The following ZFYVE1 variants were observed in gnomAD, a reference collection of about 807,000 sequenced individuals.
ZFYVE1 encodes the protein zinc finger FYVE domain-containing protein 1.
Under a neutral mutation model 74.4 loss-of-function variants are expected in ZFYVE1, and 30 were observed. The observed-to-expected ratio is 0.40, with a 90% CI of 0.30 to 0.55. ZFYVE1 has a LOEUF of 0.55. ZFYVE1 is among the 20% of genes least tolerant of loss of function. ZFYVE1 has a pLI of 0.42. For missense variants in ZFYVE1, 703 were observed against 1,011.6 expected (o/e 0.69, Z 4.14); for synonymous variants, 335 against 385.1 (o/e 0.87, Z 1.52).
At chr14:73,009,142 T>C (rs1295338308) in intron 2 of ZFYVE1, among the ~76,000 whole-genome samples, 2 of 152,182 alleles carry the variant, frequency 1.3e-5, no homozygotes, top group African/African-American at 4.8e-5. Context: ...AGACGCTATA[T>C]CCTCTGGGGG....
rs780616959 is a variant in ZFYVE1, at chr14:72,993,343, C to T, written c.1003G>A (p.Val335Met). 1.2e-6 allele frequency: 2 copies of T among 1,612,410 alleles called. No homozygotes were observed. The highest frequency in any genetic ancestry group is 1.7e-5 in the Admixed American group (1 of 59,714). The change falls in exon 4 of 12, where the codon GTG becomes ATG. Residue 335 changes from valine (V) to methionine (M), a missense_variant. By Grantham distance (21) the Val-to-Met change is conservative (BLOSUM62 1). Around this residue, in one of 2 missense-constraint regions of ZFYVE1, gnomAD observed 492 missense variants for 790.0 expected, o/e 0.62. Coordinates refer to ENST00000556143, the MANE Select transcript of ZFYVE1 (RefSeq NM_021260.4). ...QLLGSDHPSE[V>M]PEKLIQDRFR... ...CGGTCCTGGATGAGCTTCTCTGGCA[C>T]CTCTGAGGGATGATCTATACAAGCA...
Position 72,974,191 on chromosome 14 carries a change from C to T in ZFYVE1, c.1990G>A (p.Val664Ile). 6.2e-7 allele frequency: 1 copy of T among 1,613,896 alleles called. No individual in the cohort carries two copies. Residue 664 changes from valine to isoleucine, a missense_variant and splice_region_variant, in exon 11 of 12, where the codon GTT becomes ATT. By Grantham distance (29) the Val-to-Ile change is conservative. Transcript: ENST00000556143. The part of the protein sequence containing the change: ...CYEARNVQLA[V>I]TEAQVDDEGG... The stretch of plus-strand genomic sequence containing the variant: ...TCATCGTCCACTTGTGCCTCGGTAA[C>T]AGCTGTAGACAGTAATAAAGGAAAT...
At chr14:72,982,335 T>C (rs969239766) in intron 4 of ZFYVE1, among the ~76,000 whole-genome samples, 40 of 151,888 alleles carry the variant, frequency 2.6e-4, no homozygotes, top group Admixed American at 2.5e-3. Context: ...CCACAGGCAC[T>C]TACTTGGAGT....
intron 2 of ZFYVE1, among the ~76,000 whole-genome samples, chr14:73,013,334 G>A (rs948901708): frequency 6.6e-6 from 1 of 152,176 alleles, no homozygotes; most frequent in Non-Finnish European, 1.5e-5. Context: ...TGGGCCAGGT[G>A]CAGTGGCTCA....
At chr14:73,004,080 A>G (rs1893929384) in intron 2 of ZFYVE1, among the ~76,000 whole-genome samples, 2 of 152,254 alleles carry the variant, frequency 1.3e-5, no homozygotes, top group African/African-American at 4.8e-5. Flanking sequence ...GATCTAGCAG[A>G]CAACGGAGAG....
chr14:72,970,502 C>A lies in ZFYVE1; in HGVS notation c.*380G>T. ...CTCGGCTCATGAGGAAGACGTGCTGCCACTGCCACCTCACCCTGTGCGGAG... is the reference window on the plus strand; with the variant it reads ...CTCGGCTCATGAGGAAGACGTGCTGACACTGCCACCTCACCCTGTGCGGAG... On this transcript the variant is annotated 3_prime_UTR_variant, in exon 12 of 12. Coordinates refer to ENST00000556143, the MANE Select transcript of ZFYVE1 (RefSeq NM_021260.4). 1 of 207,636 alleles carries A rather than the reference C, an allele frequency of 4.8e-6. No homozygotes were observed. The highest frequency in any genetic ancestry group is 9.8e-6 in the Non-Finnish European group (1 of 101,702). 12.9% of individuals were successfully genotyped at this position (207,636 alleles called of 1,614,324 possible).
chr14:72,998,437 C>T (rs1893800153), intron 2 of ZFYVE1, 122 bp from the exon 3 acceptor site: 3 of 956,302 alleles, frequency 3.1e-6, no homozygotes, highest in Admixed American at 3.3e-5. Flanking sequence ...AAGGAAGTCA[C>T]AGGATAATAG....
At chr14:73,013,536 T>C (rs929509739) in intron 2 of ZFYVE1, among the ~76,000 whole-genome samples, 2 of 151,500 alleles carry the variant, frequency 1.3e-5, no homozygotes, top group South Asian at 2.1e-4. Context: ...TGAACCCAGG[T>C]TGTAGTAAGC....
chr14:73,027,101 C>G lies in ZFYVE1; in HGVS notation c.-610G>C. On this transcript the variant is annotated 5_prime_UTR_variant, in exon 1 of 12. Transcript: ENST00000556143. ...CTGTTGTCAGTTGGGATCAGCTGAT[C>G]GGAGTGAACTTCTCCCAGCTCGGAC... is the stretch of plus-strand genomic sequence containing the variant. 1 of 398,830 alleles carries G rather than the reference C, an allele frequency of 2.5e-6. No individual in the cohort carries two copies. Among genetic ancestry groups the G allele is most frequent in the East Asian group, 3.6e-5 (1 of 28,076 alleles). The allele number at this position is 398,830 out of a possible 1,614,324, so 24.7% of individuals were successfully genotyped here.
At chr14:73,007,458 C>T (rs1894004503) in intron 2 of ZFYVE1, among the ~76,000 whole-genome samples, 1 of 152,088 alleles carries the variant, frequency 6.6e-6, no homozygotes, top group Non-Finnish European at 1.5e-5. Context: ...TCACTGCAGC[C>T]TCCACCTCTC....
chr14:73,006,914 T>A (rs1476923516), intron 2 of ZFYVE1, among the ~76,000 whole-genome samples: 3 of 151,808 alleles, frequency 2.0e-5, no homozygotes, highest in Non-Finnish European at 4.4e-5. Context: ...ACAGGGTTTA[T>A]GTTGTCCAGC....
intron 2 of ZFYVE1, among the ~76,000 whole-genome samples, chr14:73,014,972 T>C (rs546846797): frequency 3.2e-4 from 48 of 152,184 alleles, no homozygotes; most frequent in African/African-American, 1.2e-3. Flanking sequence ...CAGTGGCTCA[T>C]GCCTGTAATC....
At position 72,994,480 on chromosome 14, in the gene ZFYVE1, T is replaced by C. The variant is rs1185450959; in HGVS notation, c.989-1123A>G. Among the ~76,000 whole-genome samples the C allele has an allele frequency of 2.0e-5, 3 of 152,106 alleles. No individual in the cohort carries two copies. The East Asian group carries it at 5.8e-4, about 29-fold the overall frequency. On this transcript the variant is annotated intron_variant, in intron 3 of 11. Transcript: ENST00000556143. ...TTCTATGAGGAGGGCTGGTGTCCTA[T>C]GGTCTAGCATTGAGTACGCAGGGGC...
At chr14:72,998,549 A>G (rs770089493) in intron 2 of ZFYVE1, among the ~76,000 whole-genome samples, 2 of 150,440 alleles carry the variant, frequency 1.3e-5, no homozygotes, top group Non-Finnish European at 3.0e-5. Context: ...AAAAAGAAAA[A>G]GAAAAGAAAA....
Position 72,986,297 on chromosome 14 carries a change from TAAGA to T in ZFYVE1, c.1204-4406_1204-4403del, listed in dbSNP as rs1324875591. 3.3e-5 allele frequency among the ~76,000 whole-genome samples: 5 copies of T among 152,152 alleles called. No homozygotes were observed. The East Asian group carries it at 9.7e-4, about 29-fold the overall frequency. On this transcript the variant is annotated intron_variant, in intron 4 of 11. Coordinates refer to ENST00000556143, the MANE Select transcript of ZFYVE1 (RefSeq NM_021260.4). ...AGGTAACAGGTAACCACTTATGACA[TAAGA>T]AAGAGACTCCAGGCAAGCCAGCCTT...
rs879466266 is a variant in ZFYVE1 at position 72,972,857 on chromosome 14, GC to G, written c.2101+1222del. 1.6e-3 allele frequency among the ~76,000 whole-genome samples: 248 copies of G among 152,008 alleles called. 1 individual carries two copies. Among genetic ancestry groups the G allele is most frequent in the Non-Finnish European group, 3.3e-3 (223 of 67,972 alleles). On this transcript the variant is annotated intron_variant, in intron 11 of 11. Coordinates refer to ENST00000556143, the MANE Select transcript of ZFYVE1 (RefSeq NM_021260.4). ...CTAGTAGCTGGGACTACAGGTGCCC[GC>G]CACCACGCCTGGCTAATTTTTTTGT...
At chr14:72,988,555 C>T (rs1893536745) in intron 4 of ZFYVE1, among the ~76,000 whole-genome samples, 1 of 151,440 alleles carries the variant, frequency 6.6e-6, no homozygotes, top group Non-Finnish European at 1.5e-5. Flanking sequence ...ACCTGTAATC[C>T]CAACATTTTG....
chr14:72,981,796 T>G lies in ZFYVE1; in HGVS notation c.1303A>C (p.Ser435Arg). 1 of 1,614,070 alleles carries G rather than the reference T, an allele frequency of 6.2e-7. No homozygotes were observed. The highest frequency in any genetic ancestry group is 8.5e-7 in the Non-Finnish European group (1 of 1,180,012). Residue 435 changes from serine (S) to arginine (R), a missense_variant, in exon 5 of 12, where the codon AGC becomes CGC. Ser to Arg is a moderately radical substitution (Grantham distance 110, BLOSUM62 -1). Coordinates refer to ENST00000556143, the MANE Select transcript of ZFYVE1 (RefSeq NM_021260.4). The part of the protein sequence containing the change: ...EYFTCSSLCL[S>R]CGVGCKKSMN... Reference sequence around the variant, plus strand: ...GGGAGCGGCCTTACTTACCCACAGCTGAGGCACAAGGAGGAGCAGGTGAAA... The same window carrying G: ...GGGAGCGGCCTTACTTACCCACAGCGGAGGCACAAGGAGGAGCAGGTGAAA...
chr14:72,994,479 A>G (rs894784807), intron 3 of ZFYVE1, among the ~76,000 whole-genome samples: 10 of 152,074 alleles, frequency 6.6e-5, no homozygotes, highest in African/African-American at 1.9e-4. Flanking sequence ...CTGGTGTCCT[A>G]TGGTCTAGCA....
Sources: allele counts gnomAD v4.1 joint callset (sites outside exome capture counted in the v4.1 genomes callset), GRCh38; gene constraint gnomAD v4.1.1; regional missense constraint gnomAD v4.1.1; transcripts MANE v1.5; gene names NCBI Gene and HGNC (gene_info 2026-07-23, HGNC 2026-07-21).